The following ARID1B variants were observed in gnomAD, a reference collection of about 807,000 sequenced individuals.
ARID1B encodes AT-rich interactive domain-containing protein 1B.
In ARID1B, 30 loss-of-function variants were observed where a neutral mutation model predicts 212.3. That is an observed-to-expected ratio of 0.14 (90% CI 0.11 to 0.19). The LOEUF (loss-of-function observed/expected upper bound fraction) is 0.19, where lower values mean the gene tolerates loss of function less well. Among genes scored for constraint, ARID1B ranks in the 10% least tolerant of loss-of-function variants. ARID1B has a pLI of 1.00. For synonymous variants in ARID1B, 1,402 were observed against 1,301.7 expected (o/e 1.08, Z -1.66); for missense variants, 2,891 against 3,204.0 (o/e 0.90, Z 2.36).
chr6:156,948,449 A>G (rs1793329788), intron 4 of ARID1B, among the ~76,000 whole-genome samples: 1 of 152,156 alleles, frequency 6.6e-6, no homozygotes, highest in Admixed American at 6.5e-5. Flanking sequence ...CTCTGTTGCC[A>G]GGCTGGTGTT....
chr6:156,876,224 A>T (rs1430737178), intron 2 of ARID1B, among the ~76,000 whole-genome samples: 1 of 152,258 alleles, frequency 6.6e-6, no homozygotes, highest in Non-Finnish European at 1.5e-5. Context: ...AATAAATCAC[A>T]TGCACAGATT....
At chr6:156,827,905 C>T (rs1285947828) in intron 1 of ARID1B, among the ~76,000 whole-genome samples, 1 of 151,474 alleles carries the variant, frequency 6.6e-6, no homozygotes, top group East Asian at 1.9e-4. Flanking sequence ...GGATTATAGG[C>T]GTGCACTACC....
chr6:157,135,957 T>A (rs1788874645), intron 7 of ARID1B, among the ~76,000 whole-genome samples: 2 of 150,004 alleles, frequency 1.3e-5, no homozygotes, highest in African/African-American at 4.9e-5. Context: ...TTGCTTCTGG[T>A]TTTGCTTTTT....
At chr6:157,037,018 T>C in intron 4 of ARID1B, 1 of 354,840 alleles carries the variant, frequency 2.8e-6, no homozygotes, top group Non-Finnish European at 5.5e-6. Context: ...GTTTAAGATT[T>C]CTCTTATTGT....
chr6:157,039,993 A>G (rs1235207574), intron 4 of ARID1B, among the ~76,000 whole-genome samples: 3 of 143,820 alleles, frequency 2.1e-5, no homozygotes, highest in African/African-American at 7.9e-5. Flanking sequence ...CTTTGTCGCC[A>G]GGCTAGAGTT....
chr6:157,096,124 C>T (rs1016061047), intron 5 of ARID1B, among the ~76,000 whole-genome samples: 21 of 152,178 alleles, frequency 1.4e-4, no homozygotes, highest in South Asian at 2.1e-4. Context: ...TTCAAGACCC[C>T]GCTAAAGGAT....
At chr6:156,795,917 A>T (rs899936971) in intron 1 of ARID1B, among the ~76,000 whole-genome samples, 2 of 152,182 alleles carry the variant, frequency 1.3e-5, no homozygotes, top group Non-Finnish European at 2.9e-5. Context: ...TGTCTTAGAC[A>T]AGGGGTGTAA....
chr6:156,969,138 C>A (rs1465999638), intron 4 of ARID1B, among the ~76,000 whole-genome samples: 1 of 152,164 alleles, frequency 6.6e-6, no homozygotes, highest in African/African-American at 2.4e-5. Flanking sequence ...ACAATGTGAC[C>A]TTGCAATGGA....
chr6:157,182,767 T>G (rs1259381398), intron 12 of ARID1B, among the ~76,000 whole-genome samples: 1 of 152,044 alleles, frequency 6.6e-6, no homozygotes, highest in Non-Finnish European at 1.5e-5. Flanking sequence ...TGAGTGATGG[T>G]CAGCAAAGAG....
chr6:156,911,568 A>C (rs1789898366), intron 3 of ARID1B, among the ~76,000 whole-genome samples: 1 of 152,074 alleles, frequency 6.6e-6, no homozygotes, highest in Non-Finnish European at 1.5e-5. Flanking sequence ...ATATGTCCTT[A>C]ATTTTCCTGA....
At chr6:156,824,637 T>C (rs193041654) in intron 1 of ARID1B, among the ~76,000 whole-genome samples, 120 of 152,114 alleles carry the variant, frequency 7.9e-4, no homozygotes, top group African/African-American at 2.8e-3. Flanking sequence ...TGGTGGTATG[T>C]GCCTGTAATC....
intron 3 of ARID1B, among the ~76,000 whole-genome samples, chr6:156,921,519 T>G (rs284422): frequency 0.19 from 28,492 of 146,736 alleles, 2,984 homozygotes; most frequent in Non-Finnish European, 0.23. Context: ...TCTAAAAAAT[T>G]CACATTTTCT....
intron 4 of ARID1B, chr6:157,036,645 G>A: frequency 2.9e-6 from 1 of 339,168 alleles, no homozygotes; most frequent in Admixed American, 3.9e-5. Context: ...CTGAAACCCA[G>A]ACGGTGACTG....
chr6:156,934,690 G>A (rs77525316), intron 3 of ARID1B, among the ~76,000 whole-genome samples: 377 of 151,768 alleles, frequency 2.5e-3, no homozygotes, highest in African/African-American at 8.0e-3. Context: ...TAAGGTTTTC[G>A]TTAGTTATTT....
intron 2 of ARID1B, among the ~76,000 whole-genome samples, chr6:156,888,858 A>G (rs1787718135): frequency 6.6e-6 from 1 of 152,212 alleles, no homozygotes; most frequent in Non-Finnish European, 1.5e-5. Flanking sequence ...GCATTTCCAT[A>G]GTTATGAGTC....
intron 3 of ARID1B, among the ~76,000 whole-genome samples, chr6:156,928,411 T>A (rs987042495): frequency 6.6e-6 from 1 of 152,114 alleles, no homozygotes; most frequent in African/African-American, 2.4e-5. Flanking sequence ...CTCTGAGCAA[T>A]CTCATTTGGG....
At chr6:157,023,092 T>C (rs971922085) in intron 4 of ARID1B, 4 of 152,276 alleles carry the variant, frequency 2.6e-5, no homozygotes, top group African/African-American at 7.2e-5. Flanking sequence ...TCATTGTTGT[T>C]AACTGATGAC....
chr6:157,023,607 A>G (rs1780465946), intron 4 of ARID1B: 1 of 152,242 alleles, frequency 6.6e-6, no homozygotes, highest in African/African-American at 2.4e-5. Flanking sequence ...CGTTGTAGGT[A>G]CATCTAAGTG....
chr6:157,048,395 C>T lies in ARID1B; in HGVS notation c.2248-36267C>T, dbSNP rs547881187. Among the ~76,000 whole-genome samples, 7 of 152,242 alleles carry T rather than the reference C, an allele frequency of 4.6e-5. No homozygotes were observed. The South Asian group carries it at 1.5e-3, about 32-fold the overall frequency. ...CATTTTACAACCGAAGTAATGCATC[C>T]TGTGGGTCCATTTGCAAAGATATGC... On this transcript the variant is annotated intron_variant, in intron 4 of 19. Transcript: ENST00000636930.
Sources: gnomAD v4.1 joint callset for allele counts (sites outside exome capture counted in the v4.1 genomes callset) on GRCh38, gnomAD v4.1.1 for gene constraint, MANE v1.5 for transcripts, NCBI Gene and HGNC (gene_info 2026-07-23, HGNC 2026-07-21) for gene names.